Variants in RYR1 observed in about 807,000 individuals in gnomAD.
RYR1 encodes the protein ryanodine receptor 1, also known as central core disease of muscle.
RYR1 carries 342 observed loss-of-function variants against 583.5 expected under a neutral mutation model. That is an observed-to-expected ratio of 0.59 (90% CI 0.54 to 0.64). The LOEUF is 0.64. Among genes scored for constraint, RYR1 ranks in the 30% least tolerant of loss-of-function variants. RYR1 has a pLI of 0.00. For missense variants in RYR1, 6,032 were observed against 6,917.2 expected, an observed-to-expected ratio of 0.87 and a Z score of 4.54; for synonymous variants, 2,791 against 2,822.5, an observed-to-expected ratio of 0.99 and a Z score of 0.35.
Position 38,507,725 on chromosome 19 carries a change from A to G in RYR1, c.8830A>G (p.Met2944Val). The change falls in exon 58 of 106, where the codon ATG (methionine) becomes GTG (valine). Residue 2944 changes from methionine to valine, a missense_variant. By Grantham distance (21) the Met-to-Val change is conservative (BLOSUM62 1). This residue lies in a region of RYR1 where 1,493 missense variants were observed against 1,715.5 expected (regional missense o/e 0.87). Coordinates refer to ENST00000359596, the MANE Select transcript of RYR1 (RefSeq NM_000540.3). ...ATCTCCATGCAGAGGCCTTAAGGAC[A>G]TGGAACTGGACTCGTCTTCCATTGA... ...GYAVTRGLKD[M>V]ELDSSSIEKR... 3.7e-6 allele frequency: 6 copies of G among 1,611,810 alleles called. No individual in the cohort carries two copies. The highest frequency in any genetic ancestry group is 2.2e-5 in the East Asian group (1 of 44,878).
At chr19:38,481,810 G>A (rs1054974322) in intron 31 of RYR1, among the ~76,000 whole-genome samples, 1 of 151,812 alleles carries the variant, frequency 6.6e-6, no homozygotes, top group Non-Finnish European at 1.5e-5. Flanking sequence ...AAAATGGGCC[G>A]GGCGTGGTGG....
At chr19:38,434,531 C>A (rs1053435800) in intron 1 of RYR1, among the ~76,000 whole-genome samples, 7 of 152,160 alleles carry the variant, frequency 4.6e-5, no homozygotes, top group African/African-American at 1.7e-4. Flanking sequence ...GTCTCCCTGT[C>A]TCTGTTTCTT....
intron 93 of RYR1, 58 bp downstream of exon 93, chr19:38,567,975 G>C: frequency 6.3e-7 from 1 of 1,585,194 alleles, no homozygotes; most frequent in Non-Finnish European, 8.6e-7. Context: ...CACCTCTGGT[G>C]CCCACCTCTC....
intron 29 of RYR1, among the ~76,000 whole-genome samples, chr19:38,476,089 C>T (rs2145495207): frequency 6.6e-6 from 1 of 152,140 alleles, no homozygotes; most frequent in South Asian, 2.1e-4. Context: ...GTGGTGTGAT[C>T]TTGGCTCACT....
At chr19:38,497,027 G>A (rs1257500195) in intron 42 of RYR1, 73 bp downstream of exon 42, 7 of 1,284,560 alleles carry the variant, frequency 5.4e-6, no homozygotes, top group Non-Finnish European at 7.9e-6. Flanking sequence ...TGGGACACCT[G>A]CTGATTCCAA....
At position 38,478,497 on chromosome 19, in the gene RYR1, G is replaced by A; in HGVS notation, c.4517G>A (p.Gly1506Asp). 1 of 1,614,152 alleles carries A rather than the reference G, an allele frequency of 6.2e-7. No homozygotes were observed. The highest frequency in any genetic ancestry group is 8.5e-7 in the Non-Finnish European group (1 of 1,180,034). The stretch of plus-strand genomic sequence containing the variant: ...GACTTTGTGAGTCCCGGGCAGCAGG[G>A]CCGGATCAGCCACACGGACCTTGTC... Reference protein sequence around the residue: ...GGDFVSPGQQGRISHTDLVIG... With the variant: ...GGDFVSPGQQDRISHTDLVIG... Residue 1506 changes from glycine to aspartate, a missense_variant, in exon 31 of 106, where the codon GGC becomes GAC. Gly to Asp is a moderately conservative substitution (Grantham distance 94). Coordinates refer to ENST00000359596, the MANE Select transcript of RYR1 (RefSeq NM_000540.3).
In RYR1 at chr19:38,586,033, A is replaced by G. The variant is rs201276187; in HGVS notation, c.14868+31A>G. The G allele has an allele frequency of 3.7e-6, 6 of 1,613,892 alleles. No homozygotes were observed. The Admixed American group carries it at 1.0e-4, about 27-fold the overall frequency. The stretch of plus-strand genomic sequence containing the variant: ...TCATGTCTGGGGGTGACCCAGAGGG[A>G]TTACGGGATTCAGGGGGTCAAGTGG... On this transcript the variant is annotated intron_variant, in intron 103 of 105. Coordinates refer to ENST00000359596, the MANE Select transcript of RYR1 (RefSeq NM_000540.3).
At chr19:38,551,051 TTTTTTTTTTTTTTG>T (rs2145798880) in intron 89 of RYR1, among the ~76,000 whole-genome samples, 1 of 86,024 alleles carries the variant, frequency 1.2e-5, no homozygotes, top group Non-Finnish European at 2.1e-5. Context: ...TTTTTTTTTT[TTTTTTTTTTTTTTG>T]AGACGGAGTT....
intron 84 of RYR1, among the ~76,000 whole-genome samples, chr19:38,542,478 C>T (rs1236553242): frequency 6.6e-6 from 1 of 152,106 alleles, no homozygotes; most frequent in African/African-American, 2.4e-5. Flanking sequence ...CCACATTTGA[C>T]ACATAGCAGG....
chr19:38,490,026 C>T lies in RYR1; in HGVS notation c.5815-50C>T, dbSNP rs111928389. 0.052 allele frequency: 81,710 copies of T among 1,584,820 alleles called. 2,400 individuals are homozygous for T. Among genetic ancestry groups the T allele is most frequent in the Non-Finnish European group, 0.061 (70,836 of 1,155,810 alleles). ...GAAGCAAGAGAAGTTTCAAGGAAGT[C>T]CTGATGGTCTCACCTCCATCTCTCC... On this transcript the variant is annotated intron_variant, in intron 35 of 105. Coordinates refer to ENST00000359596, the MANE Select transcript of RYR1 (RefSeq NM_000540.3).
Position 38,565,165 on chromosome 19 carries a change from G to A in RYR1, c.12831G>A (p.Glu4277=). The A allele has an allele frequency of 7.2e-7, 1 of 1,390,536 alleles. No homozygotes were observed. Among genetic ancestry groups the A allele is most frequent in the East Asian group, 3.1e-5 (1 of 31,980 alleles). The allele number at this position is 1,390,536 out of a possible 1,614,324, so 86.1% of individuals were successfully genotyped here. A position where few individuals can be genotyped will look rare whatever the true frequency, so the allele number is the denominator to read the frequency against. The part of the protein sequence containing the change: ...AAEAGAEGAE[E]GAAGLEGTAA... ...AGGCGGGCGCGGAAGGCGCGGAGGA[G>A]GGCGCGGCGGGGCTCGAGGGCACGG... is the stretch of plus-strand genomic sequence containing the variant. The change falls in exon 91 of 106, where the codon GAG becomes GAA. Residue 4277 remains glutamate (E), a synonymous_variant. Transcript: ENST00000359596. The surrounding 1 kb of genome is among the most constrained non-coding windows in gnomAD (Gnocchi z 4.7).
chr19:38,498,829 G>A (rs541930335), intron 42 of RYR1, among the ~76,000 whole-genome samples: 1 of 152,290 alleles, frequency 6.6e-6, no homozygotes, highest in African/African-American at 2.4e-5. Flanking sequence ...TTATCAGCAA[G>A]GACTTTATGA....
chr19:38,517,223 T>G, intron 65 of RYR1, 136 bp from the exon 66 acceptor site: 1 of 894,270 alleles, frequency 1.1e-6, no homozygotes, highest in Non-Finnish European at 1.7e-6. Flanking sequence ...GAGGGTGAGA[T>G]GGGAAGAATA....
In RYR1 at chr19:38,543,804, C is replaced by T. The variant is rs148772854; in HGVS notation, c.11941C>T (p.His3981Tyr). 1,125 of 1,613,902 alleles carry T rather than the reference C, an allele frequency of 7.0e-4. 10 individuals are homozygous for T. The African/African-American group carries it at 0.013, about 19-fold the overall frequency. Reference sequence around the variant, plus strand: ...CACCGGGAACCAGCAGAGCCTGGCGCACAGTCGCCTATGGGACGCAGTGGT... The same window carrying T: ...CACCGGGAACCAGCAGAGCCTGGCGTACAGTCGCCTATGGGACGCAGTGGT... ...PCTGNQQSLA[H>Y]SRLWDAVVGF... The change falls in exon 87 of 106, where the codon CAC becomes TAC. Residue 3981 changes from histidine to tyrosine, a missense_variant. His to Tyr is a moderately conservative substitution (Grantham distance 83). Transcript: ENST00000359596. This position sits in a 1 kb window ranked among gnomAD's most constrained non-coding sequence, Gnocchi z 4.4.
At chr19:38,478,361 G>C in intron 30 of RYR1, 74 bp from the exon 31 acceptor site, 2 of 1,547,014 alleles carry the variant, frequency 1.3e-6, no homozygotes, top group Non-Finnish European at 1.8e-6. Flanking sequence ...GTTTCCGGGA[G>C]CTTGGGGAAG....
rs778320565 is a variant in RYR1, at chr19:38,460,499, C to G, written c.2485C>G (p.Arg829Gly). 3.1e-6 allele frequency: 5 copies of G among 1,614,062 alleles called. No homozygotes were observed. Among genetic ancestry groups the G allele is most frequent in the Non-Finnish European group, 4.2e-6 (5 of 1,180,014 alleles). ...CCATCTTGAACCCATCAAGGAGTATCGACGGGAGGGGCCCCGGGGGCCTCA... is the reference window on the plus strand; with the variant it reads ...CCATCTTGAACCCATCAAGGAGTATGGACGGGAGGGGCCCCGGGGGCCTCA... ...RLHLEPIKEY[R>G]REGPRGPHLV... The change falls in exon 20 of 106, where the codon CGA becomes GGA. Residue 829 changes from arginine (R) to glycine (G), a missense_variant. Physicochemically the swap from Arg to Gly is moderately radical, Grantham distance 125. This residue lies in a region of RYR1 where 2,627 missense variants were observed against 2,961.3 expected (regional missense o/e 0.89). Coordinates refer to ENST00000359596, the MANE Select transcript of RYR1 (RefSeq NM_000540.3).
rs1470163038 is a variant in RYR1 at position 38,507,770 on chromosome 19, T to G, written c.8875T>G (p.Phe2959Val). ...CATTGAAAAGCGGTTTGCCTTTGGC[T>G]TCCTGCAGCAGCTGCTGCGCTGGAT... ...SSIEKRFAFG[F>V]LQQLLRWMDI... Residue 2959 changes from phenylalanine (F) to valine (V), a missense_variant, in exon 58 of 106, where the codon TTC becomes GTC. Transcript: ENST00000359596. The G allele has an allele frequency of 6.2e-7, 1 of 1,614,020 alleles. No individual in the cohort carries two copies. The highest frequency in any genetic ancestry group is 1.1e-5 in the South Asian group (1 of 91,078).
Position 38,565,999 on chromosome 19 carries a change from A to C in RYR1, c.13437+228A>C, listed in dbSNP as rs1973405872. Among the ~76,000 whole-genome samples, 2 of 152,094 alleles carry C rather than the reference A, an allele frequency of 1.3e-5. No individual in the cohort carries two copies. The highest frequency in any genetic ancestry group is 2.9e-5 in the Non-Finnish European group (2 of 67,966). On this transcript the variant is annotated intron_variant, in intron 91 of 105. Coordinates refer to ENST00000359596, the MANE Select transcript of RYR1 (RefSeq NM_000540.3). The surrounding 1 kb of genome is among the most constrained non-coding windows in gnomAD (Gnocchi z 4.7). Reference sequence around the variant, plus strand: ...CTCAGACCCACAGAGAAAGAGACTCAGAGATGGAGACCTGGAGAAAGGGCC... The same window carrying C: ...CTCAGACCCACAGAGAAAGAGACTCCGAGATGGAGACCTGGAGAAAGGGCC...
intron 29 of RYR1, among the ~76,000 whole-genome samples, chr19:38,476,923 C>A (rs185440171): frequency 2.6e-5 from 4 of 152,096 alleles, no homozygotes; most frequent in African/African-American, 7.2e-5. Flanking sequence ...AGTCCCAGAA[C>A]GTTGGGAGGC....
Sources: allele counts gnomAD v4.1 joint callset (sites outside exome capture counted in the v4.1 genomes callset), GRCh38; gene constraint gnomAD v4.1.1; regional missense constraint gnomAD v4.1.1; non-coding constraint Gnocchi (gnomAD v3.1); transcripts MANE v1.5; gene names NCBI Gene and HGNC (gene_info 2026-07-23, HGNC 2026-07-21).